ITIH5: variants seen among roughly 807,000 people sequenced by gnomAD.
The protein encoded by ITIH5 is inter-alpha-trypsin inhibitor heavy chain H5.
A neutral mutation model predicts 77.5 loss-of-function variants in ITIH5; 65 were observed. That is an observed-to-expected ratio of 0.84 (90% confidence interval 0.69 to 1.03). The LOEUF (loss-of-function observed/expected upper bound fraction) is 1.03. Ranked by LOEUF, ITIH5 falls within the 50% of genes least tolerant of loss-of-function variation. The pLI is 0.00. For missense variants in ITIH5, 1,208 were observed against 1,213.1 expected (o/e 1.00, Z 0.06); for synonymous variants, 525 against 494.3 (o/e 1.06, Z -0.82).
At chr10:7,665,834 C>T (rs1234905658) in intron 1 of ITIH5, among the ~76,000 whole-genome samples, 1 of 152,160 alleles carries the variant, frequency 6.6e-6, no homozygotes. Flanking sequence ...ATTTTATTAG[C>T]TACTCCCCCC....
chr10:7,564,887 CACAT>C (rs1178334717), intron 13 of ITIH5, among the ~76,000 whole-genome samples: 12 of 133,038 alleles, frequency 9.0e-5, no homozygotes, highest in African/African-American at 3.1e-4. Flanking sequence ...TATACACACA[CACAT>C]ACATACATAT....
At chr10:7,568,297 A>G (rs959619270) in intron 12 of ITIH5, among the ~76,000 whole-genome samples, 2 of 152,200 alleles carry the variant, frequency 1.3e-5, no homozygotes, top group Non-Finnish European at 2.9e-5. Flanking sequence ...ACATTCAAGG[A>G]AAAAAGGGCC....
chr10:7,583,874 C>T (rs1259982338), intron 8 of ITIH5, among the ~76,000 whole-genome samples: 1 of 152,200 alleles, frequency 6.6e-6, no homozygotes, highest in Non-Finnish European at 1.5e-5. Context: ...CTCCTTCCCA[C>T]TGAAAACAGA....
rs1353802215 is a variant in ITIH5, at chr10:7,560,967, T to A, written c.*2116A>T. 4.6e-5 allele frequency: 7 copies of A among 151,546 alleles called. No homozygotes were observed. Among genetic ancestry groups the A allele is most frequent in the Admixed American group, 6.6e-5 (1 of 15,214 alleles). 9.4% of individuals were successfully genotyped at this position (151,546 alleles called of 1,614,324 possible). A position where few individuals can be genotyped will look rare whatever the true frequency, so the allele number is the denominator to read the frequency against. On this transcript the variant is annotated 3_prime_UTR_variant, in exon 14 of 14. Transcript: ENST00000397146. ...TCTGGACAACAGAAAATACTATATTTTTTTTTTATCAAATGCAAAGGTCCT... is the reference window on the plus strand; with the variant it reads ...TCTGGACAACAGAAAATACTATATTATTTTTTTATCAAATGCAAAGGTCCT...
chr10:7,653,782 C>G (rs1032621209), intron 2 of ITIH5, among the ~76,000 whole-genome samples: 1 of 152,188 alleles, frequency 6.6e-6, no homozygotes, highest in South Asian at 2.1e-4. Flanking sequence ...ACCACCTCTT[C>G]CCAGCTGTGT....
intron 1 of ITIH5, among the ~76,000 whole-genome samples, chr10:7,656,594 T>C (rs1401320440): frequency 6.6e-6 from 1 of 152,158 alleles, no homozygotes; most frequent in Admixed American, 6.5e-5. Context: ...CTTAGCTGAT[T>C]ATATGGATGT....
intron 10 of ITIH5, among the ~76,000 whole-genome samples, chr10:7,574,600 T>C (rs1193155459): frequency 9.9e-5 from 15 of 152,004 alleles, no homozygotes; most frequent in Admixed American, 6.6e-4. Flanking sequence ...GAGACCATCC[T>C]GGCTAACACG....
chr10:7,584,648 C>T (rs758440137), intron 8 of ITIH5, among the ~76,000 whole-genome samples: 4 of 152,172 alleles, frequency 2.6e-5, no homozygotes, highest in Non-Finnish European at 4.4e-5. Context: ...GCCCCCACTC[C>T]ACCAGCACAC....
rs1360629421 is a variant in ITIH5, at chr10:7,560,776, A to G, written c.*2307T>C. ...TTTGGAACAACCCTCGCCCTGGTTT[A>G]TAAATGCTCAAGGAAAATAAATGAT... On this transcript the variant is annotated 3_prime_UTR_variant, in exon 14 of 14. Coordinates refer to ENST00000397146, the MANE Select transcript of ITIH5 (RefSeq NM_030569.7). 3 of 151,996 alleles carry G rather than the reference A, an allele frequency of 2.0e-5. No homozygotes were observed. The highest frequency in any genetic ancestry group is 7.3e-5 in the African/African-American group (3 of 41,264). The allele number at this position is 151,996 out of a possible 1,614,324, so 9.4% of individuals were successfully genotyped here.
intron 2 of ITIH5, among the ~76,000 whole-genome samples, chr10:7,649,106 T>C (rs1834050769): frequency 6.6e-6 from 1 of 152,152 alleles, no homozygotes; most frequent in Non-Finnish European, 1.5e-5. Flanking sequence ...TGGTAGATTA[T>C]GGGATTGTAA....
intron 1 of ITIH5, 139 bp downstream of exon 1, chr10:7,666,664 C>T: frequency 3.2e-6 from 2 of 616,184 alleles, no homozygotes; most frequent in Non-Finnish European, 5.5e-6. Context: ...CACGAGTGAC[C>T]CACAGAGAGG....
intron 9 of ITIH5, 99 bp downstream of exon 9, chr10:7,579,656 A>G: frequency 8.2e-7 from 1 of 1,224,886 alleles, no homozygotes; most frequent in Non-Finnish European, 1.2e-6. Flanking sequence ...AGCAGATGCA[A>G]GGCTGGGGTG....
chr10:7,650,505 C>CT lies in ITIH5; in HGVS notation c.135+5125dup, dbSNP rs1361303035. Among the ~76,000 whole-genome samples the CT allele has an allele frequency of 3.3e-5, 5 of 152,140 alleles. No homozygotes were observed. The East Asian group carries it at 9.6e-4, about 29-fold the overall frequency. The stretch of plus-strand genomic sequence containing the variant: ...AATCCCAGCACTTTGGGGGTCAAAG[C>CT]TGGTGGATCACCTGAGATCAGGAGT... On this transcript the variant is annotated intron_variant, in intron 2 of 13. Coordinates refer to ENST00000397146, the MANE Select transcript of ITIH5 (RefSeq NM_030569.7).
intron 7 of ITIH5, among the ~76,000 whole-genome samples, chr10:7,591,055 C>T (rs1832784739): frequency 6.6e-6 from 1 of 152,200 alleles, no homozygotes; most frequent in Non-Finnish European, 1.5e-5. Flanking sequence ...CGCCATCACG[C>T]TCAGCTAATT....
chr10:7,628,057 T>C (rs1452440897), intron 5 of ITIH5, among the ~76,000 whole-genome samples: 1 of 152,006 alleles, frequency 6.6e-6, no homozygotes, highest in Non-Finnish European at 1.5e-5. Context: ...GCCAGGCCAG[T>C]CTCAAACTCC....
At chr10:7,600,686 C>G (rs1038347028) in intron 7 of ITIH5, 4 of 411,826 alleles carry the variant, frequency 9.7e-6, no homozygotes, top group Non-Finnish European at 1.9e-5. Flanking sequence ...GTTTGGGTCC[C>G]CCTAAATTCA....
Position 7,561,680 on chromosome 10 carries a change from T to TC in ITIH5, c.*1402dup, listed in dbSNP as rs1832042704. ...GATGTCATTTTACTGCCTGAATGTT[T>TC]CCCCAGGGAAGGCAAACATGATAAA... On this transcript the variant is annotated 3_prime_UTR_variant, in exon 14 of 14. Transcript: ENST00000397146. 1 of 152,198 alleles carries TC rather than the reference T, an allele frequency of 6.6e-6. No homozygotes were observed. Among genetic ancestry groups the TC allele is most frequent in the Admixed American group, 6.5e-5 (1 of 15,272 alleles). 9.4% of individuals were successfully genotyped at this position (152,198 alleles called of 1,614,324 possible). A position where few individuals can be genotyped will look rare whatever the true frequency, so the allele number is the denominator to read the frequency against.
At chr10:7,568,620 T>C (rs185660457) in intron 12 of ITIH5, among the ~76,000 whole-genome samples, 1 of 152,292 alleles carries the variant, frequency 6.6e-6, no homozygotes, top group East Asian at 1.9e-4. Flanking sequence ...GCATCACACA[T>C]ATCACCTGCT....
At chr10:7,599,557 C>T (rs755854067) in intron 7 of ITIH5, among the ~76,000 whole-genome samples, 14 of 152,144 alleles carry the variant, frequency 9.2e-5, no homozygotes, top group Admixed American at 2.6e-4. Flanking sequence ...GTTTTGGTGT[C>T]GGACTCTCCA....
Sources: allele counts gnomAD v4.1 joint callset (sites outside exome capture counted in the v4.1 genomes callset), GRCh38; gene constraint gnomAD v4.1.1; transcripts MANE v1.5; gene names NCBI Gene and HGNC (gene_info 2026-07-23, HGNC 2026-07-21).